TOX2: variants seen among roughly 807,000 people sequenced by gnomAD.
The protein encoded by TOX2 is TOX high mobility group box family member 2, also known as granulosa cell HMG box 1.
A neutral mutation model predicts 47.4 loss-of-function variants in TOX2; 15 were observed. That is an observed-to-expected ratio of 0.32 (90% CI 0.21 to 0.49). The LOEUF is 0.49. Among genes scored for constraint, TOX2 ranks in the 20% least tolerant of loss-of-function variants. TOX2 has a pLI of 0.99. For synonymous variants in TOX2, 290 were observed against 296.6 expected (o/e 0.98, Z 0.23); for missense variants, 622 against 673.1 (o/e 0.92, Z 0.84).
chr20:43,997,780 A>G (rs973376393), intron 2 of TOX2, among the ~76,000 whole-genome samples: 16 of 152,162 alleles, frequency 1.1e-4, no homozygotes, highest in African/African-American at 3.9e-4. Flanking sequence ...TCCATCTCTC[A>G]TAAGTTTTGT....
At chr20:44,057,821 T>A (rs539827473) in intron 5 of TOX2, among the ~76,000 whole-genome samples, 1 of 152,334 alleles carries the variant, frequency 6.6e-6, no homozygotes, top group Admixed American at 6.5e-5. Context: ...CCCATTTGCA[T>A]CAGTGGTCAA....
chr20:43,928,478 G>A (rs373778812), intron 1 of TOX2, among the ~76,000 whole-genome samples: 1 of 152,188 alleles, frequency 6.6e-6, no homozygotes, highest in African/African-American at 2.4e-5. Context: ...TGCTTTGGAC[G>A]GAGCACTAAA....
chr20:44,063,747 CACATATATATGTACACACACACACATAT>C (rs1288559514), intron 5 of TOX2, among the ~76,000 whole-genome samples: 18 of 149,448 alleles, frequency 1.2e-4, no homozygotes, highest in East Asian at 4.0e-4. Flanking sequence ...TATATATACA[CACATATATATGTACACACACACACATAT>C]ACATATATAT....
At chr20:43,992,180 G>GTGCCTGGCAT (rs2070380023) in intron 2 of TOX2, among the ~76,000 whole-genome samples, 1 of 152,212 alleles carries the variant, frequency 6.6e-6, no homozygotes, top group South Asian at 2.1e-4. Context: ...CAGTGGGAGT[G>GTGCCTGGCAT]TGCCTGGCAT....
chr20:43,927,626 T>TTCCTTCCTTCCTCCCCTTCCCTTCC (rs2069188806), intron 1 of TOX2, among the ~76,000 whole-genome samples: 232 of 6,016 alleles, frequency 0.039, 21 homozygotes, highest in African/African-American at 0.099. Context: ...CCTTCCTTCC[T>TTCCTTCCTTCCTCCCCTTCCCTTCC]CCTTCCTTCC....
intron 8 of TOX2, 108 bp from the exon 9 acceptor site, chr20:44,068,542 G>T: frequency 7.7e-7 from 1 of 1,297,200 alleles, no homozygotes; most frequent in Non-Finnish European, 1.1e-6. Context: ...CCACAGAGGG[G>T]CAGCTGAATC....
intron 3 of TOX2, among the ~76,000 whole-genome samples, chr20:44,049,516 G>T (rs542317255): frequency 3.9e-5 from 6 of 152,078 alleles, no homozygotes; most frequent in Non-Finnish European, 8.8e-5. Context: ...TAAGCTCCAG[G>T]GTATATATGC....
chr20:44,026,610 C>T (rs150061635), intron 3 of TOX2, among the ~76,000 whole-genome samples: 63 of 151,926 alleles, frequency 4.1e-4, no homozygotes, highest in African/African-American at 1.3e-3. Flanking sequence ...TAAAATAAAC[C>T]GTAATAAACC....
At chr20:43,946,166 A>C in intron 1 of TOX2, 1 of 1,408,612 alleles carries the variant, frequency 7.1e-7, no homozygotes, top group South Asian at 1.3e-5. Context: ...TTCTGGAATG[A>C]AGATGCTTTA....
rs2069038193 is a variant in TOX2, at chr20:43,914,880, G to GCCGCCT, written c.-8_-7insCTCCGC. 2.0e-6 allele frequency: 2 copies of GCCGCCT among 1,007,810 alleles called. No individual in the cohort carries two copies. The highest frequency in any genetic ancestry group is 2.4e-6 in the Non-Finnish European group (2 of 846,740). The allele number at this position is 1,007,810 out of a possible 1,614,324, so 62.4% of individuals were successfully genotyped here. On this transcript the variant is annotated 5_prime_UTR_variant, in exon 1 of 9. Coordinates refer to ENST00000341197, the MANE Select transcript of TOX2 (RefSeq NM_001098797.2). This position sits in a 1 kb window ranked among gnomAD's most constrained non-coding sequence, Gnocchi z 4.5. ...GCCCGCGGGAGCCGCCGCCGCCGCC[G>GCCGCCT]CCGCGCCCGCCATGGACGTCCGCCT...
At chr20:43,978,211 T>C (rs2145493854) in intron 2 of TOX2, among the ~76,000 whole-genome samples, 1 of 152,240 alleles carries the variant, frequency 6.6e-6, no homozygotes, top group African/African-American at 2.4e-5. Context: ...CAGGAGAGGA[T>C]AGAAGGGGAG....
chr20:44,025,401 C>G lies in TOX2; in HGVS notation c.411+18609C>G, dbSNP rs148085712. ...GAGTGACCTCCTGGGGCTGCAGTAC[C>G]TGTTGGCAAGTGGTGTCCTCTGAAG... On this transcript the variant is annotated intron_variant, in intron 3 of 8. Transcript: ENST00000341197. 5.4e-3 allele frequency among the ~76,000 whole-genome samples: 814 copies of G among 149,938 alleles called. 3 individuals are homozygous for G. The highest frequency in any genetic ancestry group is 0.034 in the Middle Eastern group (10 of 290).
At chr20:44,029,396 A>G (rs1006964251) in intron 3 of TOX2, among the ~76,000 whole-genome samples, 3 of 152,140 alleles carry the variant, frequency 2.0e-5, no homozygotes, top group Non-Finnish European at 4.4e-5. Context: ...TCTGCCCTCA[A>G]TAGTGAAAAG....
intron 8 of TOX2, 90 bp from the exon 9 acceptor site, chr20:44,068,554 AGGGGTG>A: frequency 3.5e-6 from 4 of 1,156,604 alleles, no homozygotes; most frequent in South Asian, 2.9e-5. Flanking sequence ...AGCTGAATCC[AGGGGTG>A]GGGGTGGGGC....
chr20:44,028,755 C>G (rs963563699), intron 3 of TOX2, among the ~76,000 whole-genome samples: 1 of 152,184 alleles, frequency 6.6e-6, no homozygotes, highest in Non-Finnish European at 1.5e-5. Context: ...GGGCAGGGCT[C>G]TCAGACCCCT....
At chr20:43,965,880 C>T (rs573576504) in intron 1 of TOX2, among the ~76,000 whole-genome samples, 13 of 152,036 alleles carry the variant, frequency 8.6e-5, no homozygotes, top group Non-Finnish European at 1.6e-4. Flanking sequence ...ATGTAAATAA[C>T]GTAGGGGAGG....
chr20:44,063,512 T>C lies in TOX2; in HGVS notation c.880-1265T>C, dbSNP rs536265259. ...CACTTTTACACTGTTGGTGGGAATA[T>C]AAACTAGTACATCCACTGTGAAAAA... On this transcript the variant is annotated intron_variant, in intron 5 of 8. Coordinates refer to ENST00000341197, the MANE Select transcript of TOX2 (RefSeq NM_001098797.2). Among the ~76,000 whole-genome samples the C allele has an allele frequency of 6.6e-5, 10 of 152,302 alleles. No individual in the cohort carries two copies. In the South Asian group the frequency reaches 2.1e-3, roughly 32 times the overall value.
At chr20:43,922,438 C>T (rs1368527653) in intron 1 of TOX2, among the ~76,000 whole-genome samples, 1 of 152,070 alleles carries the variant, frequency 6.6e-6, no homozygotes, top group African/African-American at 2.4e-5. Context: ...GGTGGTGAAG[C>T]GAATTGCAGC....
At chr20:43,944,184 C>T (rs928989909) in intron 1 of TOX2, among the ~76,000 whole-genome samples, 3 of 152,212 alleles carry the variant, frequency 2.0e-5, no homozygotes, top group African/African-American at 7.2e-5. Context: ...TGAGCACGCA[C>T]TGTGTGTCAG....
Sources: gnomAD v4.1 joint callset for allele counts (sites outside exome capture counted in the v4.1 genomes callset) on GRCh38, gnomAD v4.1.1 for gene constraint, Gnocchi (gnomAD v3.1) non-coding constraint, MANE v1.5 for transcripts, NCBI Gene and HGNC (gene_info 2026-07-23, HGNC 2026-07-21) for gene names.